The following NEXMIF variants were observed in gnomAD, a reference collection of about 807,000 sequenced individuals.
NEXMIF encodes neurite extension and migration factor.
NEXMIF carries 8 observed loss-of-function variants against 62.1 expected under a neutral mutation model. That is an observed-to-expected ratio of 0.13 (90% confidence interval 0.08 to 0.23). NEXMIF has a LOEUF of 0.23. Among genes scored for constraint, NEXMIF ranks in the 10% least tolerant of loss-of-function variants. The pLI, the probability that NEXMIF is intolerant of heterozygous loss-of-function variation, is 1.00. For synonymous variants in NEXMIF, 404 were observed against 416.6 expected, an observed-to-expected ratio of 0.97 and a Z score of 0.37; for missense variants, 976 against 1,113.3, an observed-to-expected ratio of 0.88 and a Z score of 1.75.
intron 1 of NEXMIF, among the ~76,000 whole-genome samples, chrX:74,761,388 A>G (rs369625748): frequency 1.2e-4 from 13 of 111,533 alleles, no homozygotes; most frequent in African/African-American, 3.9e-4. Flanking sequence ...TACTGATTCA[A>G]TTTTGGAGCT....
intron 1 of NEXMIF, among the ~76,000 whole-genome samples, chrX:74,892,618 C>T (rs2080721356): frequency 8.9e-6 from 1 of 112,295 alleles, no homozygotes; most frequent in African/African-American, 3.2e-5. Flanking sequence ...TTCATCAAAG[C>T]TCAGATCCAC....
In NEXMIF at chrX:74,737,705, GT is replaced by G. The variant is rs1402925416; in HGVS notation, c.*1699del. Reference sequence around the variant, plus strand: ...GACTACTTTCAAATGTTGCTTCTCTGTTTGTGAATACATTTAGGTGGCATTG... The same window carrying G: ...GACTACTTTCAAATGTTGCTTCTCTGTTGTGAATACATTTAGGTGGCATTG... On this transcript the variant is annotated 3_prime_UTR_variant, in exon 4 of 4. Coordinates refer to ENST00000055682, the MANE Select transcript of NEXMIF (RefSeq NM_001008537.3). 1 of 111,440 alleles carries G rather than the reference GT, an allele frequency of 9.0e-6. No homozygotes were observed. The highest frequency in any genetic ancestry group is 2.8e-4 in the East Asian group (1 of 3,526). The allele number at this position is 111,440 out of a possible 1,213,427, so 9.2% of individuals were successfully genotyped here.
At chrX:74,820,948 G>T (rs2676490) in intron 1 of NEXMIF, among the ~76,000 whole-genome samples, 35,866 of 109,619 alleles carry the variant, frequency 0.33, 7,946 homozygotes, top group East Asian at 0.93. Flanking sequence ...TGAAATAATT[G>T]GCAACTGAAA....
chrX:74,819,094 T>C (rs1459458316), intron 1 of NEXMIF, among the ~76,000 whole-genome samples: 2 of 112,247 alleles, frequency 1.8e-5, no homozygotes, highest in East Asian at 5.6e-4. Context: ...AAGGATTCCC[T>C]ATTTAATAAA....
At chrX:74,764,437 G>A (rs1281755154) in intron 1 of NEXMIF, among the ~76,000 whole-genome samples, 1 of 111,263 alleles carries the variant, frequency 9.0e-6, no homozygotes, top group Non-Finnish European at 1.9e-5. Context: ...CTCTTTTTTT[G>A]TTGTGTCTCT....
At chrX:74,891,165 T>G (rs897728670) in intron 1 of NEXMIF, among the ~76,000 whole-genome samples, 2 of 111,662 alleles carry the variant, frequency 1.8e-5, no homozygotes, top group African/African-American at 6.5e-5. Context: ...TCCTTAAAAC[T>G]CTTGCTCCAC....
intron 1 of NEXMIF, among the ~76,000 whole-genome samples, chrX:74,793,068 T>C (rs1227389021): frequency 6.7e-4 from 73 of 109,376 alleles, no homozygotes; most frequent in Non-Finnish European, 5.2e-4. Flanking sequence ...TTCTTCCTAG[T>C]CTTGATGGTC....
At chrX:74,808,517 T>C (rs1184354969) in intron 1 of NEXMIF, among the ~76,000 whole-genome samples, 1 of 112,272 alleles carries the variant, frequency 8.9e-6, no homozygotes, top group Non-Finnish European at 1.9e-5. Flanking sequence ...GAGATATTGG[T>C]ATGTAGTTTT....
At chrX:74,833,464 T>C (rs1278893984) in intron 1 of NEXMIF, among the ~76,000 whole-genome samples, 1 of 111,984 alleles carries the variant, frequency 8.9e-6, no homozygotes, top group African/African-American at 3.2e-5. Flanking sequence ...AGTCCATGTA[T>C]ATCTTTATAG....
intron 1 of NEXMIF, among the ~76,000 whole-genome samples, chrX:74,771,764 C>T (rs1461006707): frequency 2.7e-5 from 3 of 111,023 alleles, no homozygotes; most frequent in African/African-American, 6.6e-5. Flanking sequence ...TAATAGTTAC[C>T]TCATAGGCTT....
intron 1 of NEXMIF, among the ~76,000 whole-genome samples, chrX:74,772,050 G>T (rs1321713790): frequency 8.9e-6 from 1 of 111,917 alleles, no homozygotes; most frequent in African/African-American, 3.2e-5. Flanking sequence ...AGAACTACAA[G>T]AATGGGGAGA....
chrX:74,901,100 T>C (rs1371335035), intron 1 of NEXMIF, among the ~76,000 whole-genome samples: 6 of 111,764 alleles, frequency 5.4e-5, no homozygotes, highest in Non-Finnish European at 1.1e-4. Context: ...TGCATAACAG[T>C]GTGAATGAAT....
rs1002177707 is a variant in NEXMIF at position 74,734,924 on chromosome X, C to A, written c.*4481G>T. 4.0e-4 allele frequency: 45 copies of A among 112,029 alleles called. 2 individuals are homozygous for A. The highest frequency in any genetic ancestry group is 1.9e-5 in the Non-Finnish European group (1 of 53,149). The allele number at this position is 112,029 out of a possible 1,213,427, so 9.2% of individuals were successfully genotyped here. ...TGATGACAGTGTTTCCCAAGTTAAA[C>A]AGCCCAACTAAAATTTTTTTCTCCC... On this transcript the variant is annotated 3_prime_UTR_variant, in exon 4 of 4. Transcript: ENST00000055682.
At chrX:74,842,867 T>C (rs2080478376) in intron 1 of NEXMIF, among the ~76,000 whole-genome samples, 1 of 112,281 alleles carries the variant, frequency 8.9e-6, no homozygotes, top group Admixed American at 9.4e-5. Context: ...TCTTTTGCAG[T>C]TGCTGACGAT....
chrX:74,775,774 T>C (rs973548946), intron 1 of NEXMIF, among the ~76,000 whole-genome samples: 5 of 110,950 alleles, frequency 4.5e-5, no homozygotes, highest in African/African-American at 9.8e-5. Flanking sequence ...GTCACCCAAA[T>C]TGTTGTCACC....
intron 1 of NEXMIF, among the ~76,000 whole-genome samples, chrX:74,858,591 A>G (rs1341696143): frequency 9.0e-6 from 1 of 111,118 alleles, no homozygotes; most frequent in Non-Finnish European, 1.9e-5. Context: ...TACAATACAC[A>G]CTTAATTCTT....
Position 74,787,768 on chromosome X carries a change from G to A in NEXMIF, c.-47-42071C>T, listed in dbSNP as rs769532916. The stretch of plus-strand genomic sequence containing the variant: ...GAGCTGTGCTGAGATGCAAGGGCAA[G>A]GTTGAAAAAAACCTGACAACAGTTA... On this transcript the variant is annotated intron_variant, in intron 1 of 3. Coordinates refer to ENST00000055682, the MANE Select transcript of NEXMIF (RefSeq NM_001008537.3). Among the ~76,000 whole-genome samples the A allele has an allele frequency of 3.6e-5, 4 of 112,132 alleles. No individual in the cohort carries two copies. The highest frequency in any genetic ancestry group is 5.6e-5 in the Non-Finnish European group (3 of 53,230).
chrX:74,874,941 A>AG (rs2080623341), intron 1 of NEXMIF, among the ~76,000 whole-genome samples: 1 of 110,488 alleles, frequency 9.1e-6, no homozygotes, highest in Non-Finnish European at 1.9e-5. Context: ...ATCTGCAAAC[A>AG]GGGACAATTT....
rs1308775089 is a variant in NEXMIF at position 74,737,973 on chromosome X, T to TC, written c.*1431dup. 3 of 111,302 alleles carry TC rather than the reference T, an allele frequency of 2.7e-5. No individual in the cohort carries two copies. The highest frequency in any genetic ancestry group is 9.8e-5 in the African/African-American group (3 of 30,592). 9.2% of individuals were successfully genotyped at this position (111,302 alleles called of 1,213,427 possible). A position where few individuals can be genotyped will look rare whatever the true frequency, so the allele number is the denominator to read the frequency against. ...TTATGATCTACAAAGCGCTCTCACA[T>TC]CCATTATCTCATCTGTGCCATAATG... is the stretch of plus-strand genomic sequence containing the variant. On this transcript the variant is annotated 3_prime_UTR_variant, in exon 4 of 4. Coordinates refer to ENST00000055682, the MANE Select transcript of NEXMIF (RefSeq NM_001008537.3).
Sources: gnomAD v4.1 joint callset for allele counts (sites outside exome capture counted in the v4.1 genomes callset) on GRCh38, gnomAD v4.1.1 for gene constraint, MANE v1.5 for transcripts, NCBI Gene and HGNC (gene_info 2026-07-23, HGNC 2026-07-21) for gene names.